The following ADAD1 variants were observed in gnomAD, a reference collection of about 807,000 sequenced individuals.
ADAD1 encodes adenosine deaminase domain-containing protein 1.
Under a neutral mutation model 66.8 loss-of-function variants are expected in ADAD1, and 46 were observed. The observed-to-expected ratio is 0.69, with a 90% CI of 0.54 to 0.88. ADAD1 has a LOEUF of 0.88. Ranked by LOEUF, ADAD1 falls within the 40% of genes least tolerant of loss-of-function variation. The pLI is 0.00. For missense variants in ADAD1, 617 were observed against 681.8 expected (o/e 0.91, Z 1.06); for synonymous variants, 248 against 229.4 (o/e 1.08, Z -0.73).
Position 122,380,081 on chromosome 4 carries a change from C to G in ADAD1, c.12C>G (p.Asn4Lys), listed in dbSNP as rs1406937854. MAS[N>K]NHWFQSSQVP... Reference sequence around the variant, plus strand: ...CTCTAGGTGAGAAAATGGCTAGCAACAATCATTGGTTTCAGAGTTCGCAGG... The same window carrying G: ...CTCTAGGTGAGAAAATGGCTAGCAAGAATCATTGGTTTCAGAGTTCGCAGG... Residue 4 changes from asparagine to lysine, a missense_variant, in exon 3 of 13, where the codon AAC becomes AAG. Asn to Lys is a moderately conservative substitution (Grantham distance 94, BLOSUM62 0). Transcript: ENST00000296513. 6.2e-7 allele frequency: 1 copy of G among 1,611,888 alleles called. No homozygotes were observed. Among genetic ancestry groups the G allele is most frequent in the African/African-American group, 1.3e-5 (1 of 74,766 alleles).
intron 7 of ADAD1, among the ~76,000 whole-genome samples, chr4:122,402,950 T>C (rs1796045283): frequency 6.6e-6 from 1 of 152,216 alleles, no homozygotes; most frequent in Non-Finnish European, 1.5e-5. Context: ...TGGTACCTCC[T>C]TGAGGAGCTT....
chr4:122,418,694 G>T (rs535020851), intron 11 of ADAD1, among the ~76,000 whole-genome samples: 1 of 152,074 alleles, frequency 6.6e-6, no homozygotes, highest in African/African-American at 2.4e-5. Context: ...AGTTCAGAGG[G>T]TTTTTTTCTA....
intron 5 of ADAD1, among the ~76,000 whole-genome samples, chr4:122,385,023 A>T (rs1420112581): frequency 3.3e-5 from 5 of 152,182 alleles, no homozygotes; most frequent in African/African-American, 9.7e-5. Flanking sequence ...ATAGTAAGCT[A>T]GAGTTTCTTC....
chr4:122,420,741 C>T (rs1368034634), intron 11 of ADAD1, among the ~76,000 whole-genome samples: 2 of 152,114 alleles, frequency 1.3e-5, no homozygotes, highest in African/African-American at 4.8e-5. Flanking sequence ...ATTAGAAACC[C>T]AAATTACACA....
At chr4:122,387,854 G>A (rs944932532) in intron 5 of ADAD1, among the ~76,000 whole-genome samples, 7 of 151,684 alleles carry the variant, frequency 4.6e-5, no homozygotes, top group African/African-American at 1.7e-4. Context: ...CTGCCTCCTG[G>A]GTTCATGCCA....
intron 11 of ADAD1, 26 bp from the exon 12 acceptor site, chr4:122,421,235 A>T (rs760274184): frequency 1.6e-5 from 24 of 1,503,320 alleles, no homozygotes; most frequent in Admixed American, 4.0e-5. Context: ...AAAGAAATTT[A>T]AAAAATTTTA....
intron 7 of ADAD1, among the ~76,000 whole-genome samples, chr4:122,397,648 A>G (rs1253742799): frequency 6.6e-6 from 1 of 152,198 alleles, no homozygotes; most frequent in African/African-American, 2.4e-5. Context: ...GAGTGCCTAC[A>G]TTAGAGTTGA....
intron 7 of ADAD1, among the ~76,000 whole-genome samples, chr4:122,404,533 G>T (rs1211100024): frequency 1.3e-5 from 2 of 152,120 alleles, no homozygotes; most frequent in Non-Finnish European, 2.9e-5. Context: ...CAGTTTTTCA[G>T]CTGTCTCACA....
At chr4:122,394,548 A>C (rs1580754923) in intron 6 of ADAD1, among the ~76,000 whole-genome samples, 1 of 152,222 alleles carries the variant, frequency 6.6e-6, no homozygotes, top group East Asian at 1.9e-4. Context: ...GCTTGCGTGA[A>C]GTAAAAGGAC....
intron 5 of ADAD1, among the ~76,000 whole-genome samples, chr4:122,384,634 A>G (rs1160753049): frequency 2.0e-5 from 3 of 152,216 alleles, no homozygotes; most frequent in Non-Finnish European, 2.9e-5. Context: ...AAACATACCT[A>G]TAGAATTTCC....
Position 122,421,295 on chromosome 4 carries a change from C to T in ADAD1, c.1522C>T (p.Arg508Trp), listed in dbSNP as rs751689720. ...TAAAAGTGGTATGTCAATGGCAAGT[C>T]GGCTTTGTAAGGCTGCAATGTTAAG... ...PFKSGMSMAS[R>W]LCKAAMLSRF... Residue 508 changes from arginine (R) to tryptophan (W), a missense_variant, in exon 12 of 13, where the codon CGG becomes TGG. Physicochemically the swap from Arg to Trp is moderately radical, Grantham distance 101 (BLOSUM62 -3). Coordinates refer to ENST00000296513, the MANE Select transcript of ADAD1 (RefSeq NM_139243.4). The T allele has an allele frequency of 4.4e-6, 7 of 1,603,502 alleles. No individual in the cohort carries two copies. The East Asian group carries it at 6.7e-5, about 15-fold the overall frequency.
intron 11 of ADAD1, among the ~76,000 whole-genome samples, chr4:122,416,160 G>T (rs982591969): frequency 6.6e-6 from 1 of 152,062 alleles, no homozygotes; most frequent in African/African-American, 2.4e-5. Context: ...CTCAAGCTAG[G>T]TTAAATATCT....
chr4:122,393,090 G>A (rs1237276058), intron 5 of ADAD1, among the ~76,000 whole-genome samples: 1 of 67,138 alleles, frequency 1.5e-5, no homozygotes, highest in Non-Finnish European at 3.1e-5. Context: ...ACTTTTTTCT[G>A]TACTCCCTAA....
intron 5 of ADAD1, among the ~76,000 whole-genome samples, chr4:122,385,728 G>A (rs963153534): frequency 6.6e-6 from 1 of 152,094 alleles, no homozygotes. Context: ...GGTGTGTGTT[G>A]TTCCCCTCTC....
chr4:122,380,467 C>T (rs1472049951), intron 3 of ADAD1: 2 of 525,852 alleles, frequency 3.8e-6, no homozygotes, highest in South Asian at 2.9e-5. Context: ...GTTCAAACCC[C>T]CCCCTTCAAG....
intron 10 of ADAD1, among the ~76,000 whole-genome samples, chr4:122,414,468 G>A (rs1379071147): frequency 6.6e-6 from 1 of 150,904 alleles, no homozygotes; most frequent in East Asian, 1.9e-4. Context: ...CTCTTGTTTT[G>A]TCTTGATCAT....
Position 122,391,755 on chromosome 4 carries a change from A to G in ADAD1, c.530-1834A>G, listed in dbSNP as rs546998270. ...GAGACAGAGTCTCTCTGTCACCCATACTGGAGGGCAATGGCGCAGTCTTAG... is the reference window on the plus strand; with the variant it reads ...GAGACAGAGTCTCTCTGTCACCCATGCTGGAGGGCAATGGCGCAGTCTTAG... On this transcript the variant is annotated intron_variant, in intron 5 of 12. Coordinates refer to ENST00000296513, the MANE Select transcript of ADAD1 (RefSeq NM_139243.4). Among the ~76,000 whole-genome samples, 6 of 152,176 alleles carry G rather than the reference A, an allele frequency of 3.9e-5. No individual in the cohort carries two copies. In the East Asian group the frequency reaches 1.2e-3, roughly 29 times the overall value.
At chr4:122,422,303 T>G (rs2150603206) in intron 12 of ADAD1, among the ~76,000 whole-genome samples, 1 of 152,272 alleles carries the variant, frequency 6.6e-6, no homozygotes, top group East Asian at 1.9e-4. Flanking sequence ...TTTTGTACTT[T>G]CAGTAGAGAC....
At chr4:122,396,841 A>T (rs933074360) in intron 7 of ADAD1, among the ~76,000 whole-genome samples, 1 of 152,226 alleles carries the variant, frequency 6.6e-6, no homozygotes. Flanking sequence ...TATAAATTAT[A>T]TAGAAACAAT....
Sources: gnomAD v4.1 joint callset for allele counts (sites outside exome capture counted in the v4.1 genomes callset) on GRCh38, gnomAD v4.1.1 for gene constraint, MANE v1.5 for transcripts, NCBI Gene and HGNC (gene_info 2026-07-23, HGNC 2026-07-21) for gene names.